Variants in PLEKHM3 observed in about 807,000 individuals in gnomAD.
PLEKHM3 encodes the protein pleckstrin homology domain containing M3.
Under a neutral mutation model 81.8 loss-of-function variants are expected in PLEKHM3, and 45 were observed. That is an observed-to-expected ratio of 0.55 (90% confidence interval 0.43 to 0.71). The LOEUF is 0.71. Among genes scored for constraint, PLEKHM3 ranks in the 30% least tolerant of loss-of-function variants. The probability of loss-of-function intolerance (pLI) is 0.00; values close to 1 mark genes in which losing one functional copy is unlikely to be tolerated. For missense variants in PLEKHM3, 788 were observed against 924.3 expected (o/e 0.85, Z 1.91); for synonymous variants, 352 against 356.4 (o/e 0.99, Z 0.14).
chr2:208,009,270 A>T (rs1387917214), intron 1 of PLEKHM3, among the ~76,000 whole-genome samples: 1 of 152,180 alleles, frequency 6.6e-6, no homozygotes, highest in Non-Finnish European at 1.5e-5. Context: ...GCTTGCAGTT[A>T]TCTCTGAAAT....
Position 207,888,673 on chromosome 2 carries a change from C to T in PLEKHM3, c.1950+19841G>A, listed in dbSNP as rs770136733. Reference sequence around the variant, plus strand: ...CCTCCCAAAGTGCTGGGATTACAGGCGTAAGCCACCATGCCAGCCCCTTCA... The same window carrying T: ...CCTCCCAAAGTGCTGGGATTACAGGTGTAAGCCACCATGCCAGCCCCTTCA... On this transcript the variant is annotated intron_variant, in intron 6 of 7. Coordinates refer to ENST00000427836, the MANE Select transcript of PLEKHM3 (RefSeq NM_001080475.3). Among the ~76,000 whole-genome samples, 84 of 152,312 alleles carry T rather than the reference C, an allele frequency of 5.5e-4. 1 individual carries two copies. The Middle Eastern group carries it at 0.017, about 31-fold the overall frequency.
At chr2:207,845,303 C>T (rs1162595534) in intron 7 of PLEKHM3, among the ~76,000 whole-genome samples, 1 of 152,084 alleles carries the variant, frequency 6.6e-6, no homozygotes, top group Non-Finnish European at 1.5e-5. Context: ...TACTATTGTA[C>T]CCTTTGTAAT....
chr2:208,008,515 A>C (rs1180714850), intron 1 of PLEKHM3, among the ~76,000 whole-genome samples: 3 of 150,200 alleles, frequency 2.0e-5, no homozygotes, highest in Admixed American at 6.6e-5. Flanking sequence ...AAAAAAAAAA[A>C]AAAAAAAAAA....
chr2:207,863,685 T>C (rs934912488), intron 6 of PLEKHM3, among the ~76,000 whole-genome samples: 3 of 152,156 alleles, frequency 2.0e-5, no homozygotes, highest in Non-Finnish European at 4.4e-5. Flanking sequence ...CGACCCGGTC[T>C]TTATGTAAGC....
At chr2:207,896,546 T>G (rs760348474) in intron 6 of PLEKHM3, among the ~76,000 whole-genome samples, 2 of 152,202 alleles carry the variant, frequency 1.3e-5, no homozygotes, top group African/African-American at 2.4e-5. Context: ...TAAGACTTAA[T>G]GGAACAAATG....
At chr2:207,947,433 T>A (rs560815428) in intron 3 of PLEKHM3, among the ~76,000 whole-genome samples, 1 of 152,334 alleles carries the variant, frequency 6.6e-6, no homozygotes, top group East Asian at 1.9e-4. Context: ...GGGAAGCCAT[T>A]CGTTTTCTTT....
At chr2:207,983,841 T>C (rs1256132852) in intron 2 of PLEKHM3, among the ~76,000 whole-genome samples, 2 of 152,202 alleles carry the variant, frequency 1.3e-5, no homozygotes, top group Non-Finnish European at 2.9e-5. Flanking sequence ...CTATTTCCTC[T>C]ATCTGTTCTC....
At chr2:207,981,594 A>G (rs1420590291) in intron 2 of PLEKHM3, among the ~76,000 whole-genome samples, 3 of 152,022 alleles carry the variant, frequency 2.0e-5, no homozygotes. Flanking sequence ...CAGTCCTCCC[A>G]CTTTGGCCTC....
intron 6 of PLEKHM3, among the ~76,000 whole-genome samples, chr2:207,881,172 G>C (rs2092589689): frequency 6.6e-6 from 1 of 151,948 alleles, no homozygotes; most frequent in African/African-American, 2.4e-5. Context: ...CAAACAAGAA[G>C]GTTAAACTAA....
chr2:207,860,195 G>GTGTGT (rs913513841), intron 7 of PLEKHM3, among the ~76,000 whole-genome samples: 1 of 150,392 alleles, frequency 6.6e-6, no homozygotes, highest in Non-Finnish European at 1.5e-5. Flanking sequence ...GTGTGTGTGT[G>GTGTGT]TGTGTGTGTG....
At chr2:208,016,314 G>A (rs1189759278) in intron 1 of PLEKHM3, among the ~76,000 whole-genome samples, 1 of 152,054 alleles carries the variant, frequency 6.6e-6, no homozygotes, top group East Asian at 1.9e-4. Context: ...ACAAAATTGA[G>A]CCACAACCTT....
In PLEKHM3 at chr2:207,822,450, C is replaced by T. The variant is rs773807872; in HGVS notation, c.*5869G>A. The T allele has an allele frequency of 1.3e-5, 2 of 152,590 alleles. No individual in the cohort carries two copies. The highest frequency in any genetic ancestry group is 2.1e-4 in the South Asian group (1 of 4,814). The allele number at this position is 152,590 out of a possible 1,614,324, so 9.5% of individuals were successfully genotyped here. The stretch of plus-strand genomic sequence containing the variant: ...TGGCCTTGGTGACATCATGACATTC[C>T]CCTGAGTTTGGTTAATGAAAGCAAA... On this transcript the variant is annotated 3_prime_UTR_variant, in exon 8 of 8. Transcript: ENST00000427836.
chr2:207,933,341 G>A (rs892992185), intron 4 of PLEKHM3, among the ~76,000 whole-genome samples: 2 of 152,108 alleles, frequency 1.3e-5, no homozygotes, highest in African/African-American at 4.8e-5. Context: ...AGTTCAGTGG[G>A]AAAGAAAGAC....
chr2:208,021,155 GTTT>G (rs1693118017), intron 1 of PLEKHM3, among the ~76,000 whole-genome samples: 1 of 152,176 alleles, frequency 6.6e-6, no homozygotes, highest in Non-Finnish European at 1.5e-5. Context: ...AGCCTTGGAT[GTTT>G]TTTAATGAAG....
intron 6 of PLEKHM3, among the ~76,000 whole-genome samples, chr2:207,894,738 C>T (rs1688166549): frequency 6.6e-6 from 1 of 152,158 alleles, no homozygotes; most frequent in African/African-American, 2.4e-5. Context: ...ATGCAGCTGG[C>T]AGTATTCATT....
chr2:207,982,370 A>C (rs1012305024), intron 2 of PLEKHM3, among the ~76,000 whole-genome samples: 1 of 151,934 alleles, frequency 6.6e-6, no homozygotes, highest in African/African-American at 2.4e-5. Context: ...CTTGAGCTCA[A>C]GCAATCCTCC....
At chr2:207,846,247 G>A (rs1430088872) in intron 7 of PLEKHM3, among the ~76,000 whole-genome samples, 2 of 152,020 alleles carry the variant, frequency 1.3e-5, no homozygotes, top group East Asian at 2.0e-4. Context: ...GGTTTAAGCA[G>A]TTCTCTGCCT....
intron 5 of PLEKHM3, among the ~76,000 whole-genome samples, chr2:207,909,136 C>T (rs873779): frequency 0.62 from 95,002 of 152,022 alleles, 30,586 homozygotes; most frequent in African/African-American, 0.75. Context: ...CTCATATGTA[C>T]AGTGATGGCA....
intron 3 of PLEKHM3, among the ~76,000 whole-genome samples, chr2:207,955,910 A>G (rs1690490368): frequency 6.6e-6 from 1 of 152,234 alleles, no homozygotes; most frequent in Non-Finnish European, 1.5e-5. Flanking sequence ...TATAAAGTAA[A>G]CAGCAGAAGA....
Sources: gnomAD v4.1 joint callset for allele counts (sites outside exome capture counted in the v4.1 genomes callset) on GRCh38, gnomAD v4.1.1 for gene constraint, MANE v1.5 for transcripts, NCBI Gene and HGNC (gene_info 2026-07-23, HGNC 2026-07-21) for gene names.